The following KLF12 variants were observed in gnomAD, a reference collection of about 807,000 sequenced individuals.
KLF12 encodes the protein KLF transcription factor 12, also known as Krueppel-like factor 12.
Under a neutral mutation model 37.8 loss-of-function variants are expected in KLF12, and 9 were observed. The ratio of observed to expected loss-of-function variants is 0.24; its 90% CI spans 0.14 to 0.42. The LOEUF is 0.42. KLF12 is among the 10% of genes least tolerant of loss of function. The probability of loss-of-function intolerance (pLI) is 1.00; values close to 1 mark genes in which losing one functional copy is unlikely to be tolerated. For synonymous variants in KLF12, 208 were observed against 202.1 expected (o/e 1.03, Z -0.25); for missense variants, 411 against 516.0 (o/e 0.80, Z 1.97).
chr13:74,071,463 G>A (rs1164053004), intron 1 of KLF12, among the ~76,000 whole-genome samples: 1 of 151,956 alleles, frequency 6.6e-6, no homozygotes, highest in African/African-American at 2.4e-5. Flanking sequence ...GAGGTGGGCG[G>A]ATCACAAGGT....
intron 3 of KLF12, among the ~76,000 whole-genome samples, chr13:73,848,808 G>A (rs1702222418): frequency 2.0e-5 from 3 of 152,034 alleles, no homozygotes; most frequent in African/African-American, 7.2e-5. Context: ...AAATCTTATT[G>A]AGAACCTTCT....
At chr13:74,249,837 A>G in the KLF12 span, among the ~76,000 whole-genome samples, 1 of 152,182 alleles carries the variant, frequency 6.6e-6, no homozygotes, top group Admixed American at 6.5e-5. Context: ...CTGATGAGGT[A>G]AACAGAGTCA....
At chr13:74,153,901 G>C in the KLF12 span, among the ~76,000 whole-genome samples, 1 of 152,032 alleles carries the variant, frequency 6.6e-6, no homozygotes, top group Non-Finnish European at 1.5e-5. Flanking sequence ...TTTTGTTCTA[G>C]ATTGGATATG....
intron 1 of KLF12, among the ~76,000 whole-genome samples, chr13:74,048,015 G>A (rs996386495): frequency 6.6e-5 from 10 of 152,206 alleles, no homozygotes; most frequent in African/African-American, 1.7e-4. Context: ...CCAGCTCATA[G>A]CTCCACCATG....
chr13:74,052,040 C>T (rs1263813895), intron 1 of KLF12, among the ~76,000 whole-genome samples: 2 of 151,692 alleles, frequency 1.3e-5, no homozygotes, highest in East Asian at 1.9e-4. Flanking sequence ...TAAAATGAAA[C>T]TTAAAGAAAA....
At chr13:74,043,263 C>T (rs969408193) in intron 1 of KLF12, among the ~76,000 whole-genome samples, 4 of 152,150 alleles carry the variant, frequency 2.6e-5, no homozygotes, top group Admixed American at 6.5e-5. Flanking sequence ...AAAATTAATG[C>T]ATTCAAATGC....
chr13:73,788,506 A>G (rs1881484212), intron 5 of KLF12, among the ~76,000 whole-genome samples: 1 of 152,238 alleles, frequency 6.6e-6, no homozygotes, highest in African/African-American at 2.4e-5. Context: ...CATTCAGTTC[A>G]ACAATACAGG....
chr13:73,970,176 C>G (rs1253726542), intron 2 of KLF12, among the ~76,000 whole-genome samples: 1 of 152,148 alleles, frequency 6.6e-6, no homozygotes, highest in Non-Finnish European at 1.5e-5. Context: ...AGGGTAGAAT[C>G]TGATAAGATG....
intron 1 of KLF12, among the ~76,000 whole-genome samples, chr13:74,041,184 C>T (rs564770007): frequency 1.3e-5 from 2 of 152,274 alleles, no homozygotes; most frequent in East Asian, 3.9e-4. Context: ...CACAGAAATC[C>T]CACCTCCTTC....
chr13:74,130,406 T>C (rs1236243286), intron 1 of KLF12, among the ~76,000 whole-genome samples: 2 of 152,224 alleles, frequency 1.3e-5, no homozygotes, highest in Admixed American at 6.5e-5. Context: ...CAGTCGCTGA[T>C]GCCTATAATC....
At chr13:74,107,355 A>G (rs533121459) in intron 1 of KLF12, among the ~76,000 whole-genome samples, 18 of 152,332 alleles carry the variant, frequency 1.2e-4, no homozygotes, top group African/African-American at 4.3e-4. Flanking sequence ...TATGCAATCA[A>G]TTCTACTCCA....
chr13:73,765,088 C>A (rs1228513666), intron 5 of KLF12, 88 bp from the exon 6 acceptor site: 1 of 763,010 alleles, frequency 1.3e-6, no homozygotes. Flanking sequence ...TAAATAATTT[C>A]TTTTAGAATT....
rs57156299 is a variant in KLF12 at position 74,082,163 on chromosome 13, T to TAAAAAAAAAAAAAAAAAA, written c.-32+51575_-32+51576insTTTTTTTTTTTTTTTTTT. 3.8e-4 allele frequency among the ~76,000 whole-genome samples: 44 copies of TAAAAAAAAAAAAAAAAAA among 114,740 alleles called. 1 individual carries two copies. Among genetic ancestry groups the TAAAAAAAAAAAAAAAAAA allele is most frequent in the African/African-American group, 1.5e-3 (43 of 28,346 alleles). The allele number at this position is 114,740 out of a possible 152,430, so 75.3% of individuals were successfully genotyped here. A position where few individuals can be genotyped will look rare whatever the true frequency, so the allele number is the denominator to read the frequency against. ...GGCAACATAGCAAGACCCTGTCTCT[T>TAAAAAAAAAAAAAAAAAA]AAAAAAAAAAAAAAACAAAGTTAGC... On this transcript the variant is annotated intron_variant, in intron 1 of 7. Coordinates refer to ENST00000377669, the MANE Select transcript of KLF12 (RefSeq NM_007249.5).
chr13:74,088,417 G>A lies in KLF12; in HGVS notation c.-32+45322C>T, dbSNP rs146947264. On this transcript the variant is annotated intron_variant, in intron 1 of 7. Transcript: ENST00000377669. ...TAGTTTTTATATTTTTAGTAAAGAC[G>A]GCATTTCACCATGTTGGCCAGGCTA... 3.7e-3 allele frequency among the ~76,000 whole-genome samples: 560 copies of A among 151,990 alleles called. 1 individual carries two copies. The highest frequency in any genetic ancestry group is 5.7e-3 in the Non-Finnish European group (390 of 67,976).
At chr13:73,991,534 T>C (rs937922900) in intron 2 of KLF12, among the ~76,000 whole-genome samples, 1 of 152,204 alleles carries the variant, frequency 6.6e-6, no homozygotes, top group Non-Finnish European at 1.5e-5. Flanking sequence ...AGAATGTCCT[T>C]TTTTCACACC....
chr13:74,230,595 CA>C, the KLF12 span, among the ~76,000 whole-genome samples: 1 of 152,160 alleles, frequency 6.6e-6, no homozygotes, highest in South Asian at 2.1e-4. Context: ...GTTCCCCAAC[CA>C]AATGGGTAAC....
chr13:74,025,316 CA>C (rs547339290), intron 1 of KLF12, among the ~76,000 whole-genome samples: 6,669 of 126,342 alleles, frequency 0.053, 136 homozygotes, highest in African/African-American at 0.069. Context: ...CATAATTCTA[CA>C]AAAAAAAAAA....
chr13:74,160,672 C>T, the KLF12 span, among the ~76,000 whole-genome samples: 2 of 152,124 alleles, frequency 1.3e-5, no homozygotes, highest in Admixed American at 6.5e-5. Context: ...CCTTAAGAAA[C>T]TTAAAAGCAC....
the KLF12 span, among the ~76,000 whole-genome samples, chr13:74,231,217 CT>C: frequency 3.5e-5 from 5 of 142,040 alleles, no homozygotes; most frequent in African/African-American, 1.4e-4. Flanking sequence ...TTTTTTTTCC[CT>C]CTGTATCTCC....
Sources: gnomAD v4.1 joint callset for allele counts (sites outside exome capture counted in the v4.1 genomes callset) on GRCh38, gnomAD v4.1.1 for gene constraint, MANE v1.5 for transcripts, NCBI Gene and HGNC (gene_info 2026-07-23, HGNC 2026-07-21) for gene names.